Variants in GALNS observed in about 807,000 individuals in gnomAD.
GALNS encodes galactosamine (N-acetyl)-6-sulfatase, also known as N-acetylgalactosamine-6-sulfatase.
Under a neutral mutation model 65.9 loss-of-function variants are expected in GALNS, and 65 were observed. The ratio of observed to expected loss-of-function variants is 0.99; its 90% confidence interval spans 0.81 to 1.21. GALNS has a LOEUF of 1.21. Ranked by LOEUF, GALNS falls within the 50% of genes most tolerant of loss-of-function variation. The probability of loss-of-function intolerance (pLI) is 0.00; values close to 1 mark genes in which losing one functional copy is unlikely to be tolerated. For missense variants in GALNS, 776 were observed against 700.7 expected (o/e 1.11, Z -1.21); for synonymous variants, 346 against 288.9 (o/e 1.20, Z -2.00).
intron 13 of GALNS, chr16:88,815,393 A>G (rs936478710): frequency 3.7e-5 from 36 of 985,316 alleles, no homozygotes; most frequent in Non-Finnish European, 4.3e-5. Flanking sequence ...TTTCCCAGGG[A>G]GAAGCCAGTC....
chr16:88,814,324 GCTGT>G lies in GALNS; in HGVS notation c.*111_*114del. The stretch of plus-strand genomic sequence containing the variant: ...GTGCAGTCCCCCTGCGTCTGCAGGT[GCTGT>G]CTGTCTGGCTTGGGCAGGGTTGGGG... On this transcript the variant is annotated 3_prime_UTR_variant, in exon 14 of 14. Coordinates refer to ENST00000268695, the MANE Select transcript of GALNS (RefSeq NM_000512.5). 2.9e-6 allele frequency: 4 copies of G among 1,358,556 alleles called. No individual in the cohort carries two copies. The highest frequency in any genetic ancestry group is 2.5e-5 in the South Asian group (2 of 79,928). 84.2% of individuals were successfully genotyped at this position (1,358,556 alleles called of 1,614,324 possible). A position where few individuals can be genotyped will look rare whatever the true frequency, so the allele number is the denominator to read the frequency against.
chr16:88,832,984 G>A (rs1023700148), intron 8 of GALNS, among the ~76,000 whole-genome samples: 1 of 151,374 alleles, frequency 6.6e-6, no homozygotes, highest in South Asian at 2.1e-4. Context: ...AGGCTGAGGT[G>A]GGAGGATTGC....
intron 1 of GALNS, chr16:88,855,536 A>C (rs1356220494): frequency 1.4e-6 from 1 of 701,420 alleles, no homozygotes; most frequent in East Asian, 2.7e-5. Flanking sequence ...CACACAAATA[A>C]GACATATGAG....
At chr16:88,842,080 C>A in intron 2 of GALNS, 109 bp from the exon 3 acceptor site, 2 of 982,988 alleles carry the variant, frequency 2.0e-6, no homozygotes, top group Non-Finnish European at 3.2e-6. Context: ...ACGAGGCACG[C>A]GCAGGTTTAC....
chr16:88,843,325 C>T, intron 1 of GALNS: 1 of 726,566 alleles, frequency 1.4e-6, no homozygotes, highest in Non-Finnish European at 2.0e-6. Flanking sequence ...TGCAACTCCA[C>T]TCCTAGCTGT....
chr16:88,835,550 C>T (rs1242667720), intron 7 of GALNS, among the ~76,000 whole-genome samples, 175 bp downstream of exon 7: 6 of 152,124 alleles, frequency 3.9e-5, no homozygotes, highest in African/African-American at 7.2e-5. Context: ...GAGCCAGCAC[C>T]CCCACCACAG....
chr16:88,815,851 G>T, intron 13 of GALNS: 1 of 985,362 alleles, frequency 1.0e-6, no homozygotes, highest in Non-Finnish European at 1.2e-6. Context: ...GGGTGTGTTT[G>T]AGTCTGGATG....
At chr16:88,856,525 C>A in intron 1 of GALNS, 1 of 696,570 alleles carries the variant, frequency 1.4e-6, no homozygotes, top group Non-Finnish European at 2.6e-6. Context: ...GCCGAGACCC[C>A]ACGCCTGGAC....
At chr16:88,848,188 A>G (rs1475010417) in intron 1 of GALNS, among the ~76,000 whole-genome samples, 1 of 152,198 alleles carries the variant, frequency 6.6e-6, no homozygotes, top group Non-Finnish European at 1.5e-5. Context: ...TTCGGGGAGC[A>G]CAAGGGAGTG....
chr16:88,854,372 T>A (rs778573824), intron 1 of GALNS, among the ~76,000 whole-genome samples: 1 of 152,156 alleles, frequency 6.6e-6, no homozygotes, highest in Non-Finnish European at 1.5e-5. Flanking sequence ...CTGGGCCACG[T>A]CAGGGCACCT....
chr16:88,816,215 C>A (rs927716442), intron 13 of GALNS: 1 of 985,460 alleles, frequency 1.0e-6, no homozygotes, highest in Non-Finnish European at 1.2e-6. Context: ...GCTGTGTGCG[C>A]CCACCTCCCC....
rs942938359 is a variant in GALNS at position 88,856,943 on chromosome 16, C to T, written c.-66G>A. On this transcript the variant is annotated 5_prime_UTR_variant, in exon 1 of 14. Coordinates refer to ENST00000268695, the MANE Select transcript of GALNS (RefSeq NM_000512.5). ...CCTAGCGAGCGTCCGCCGGCCCTTC[C>T]GGCTGGGCTGCGGGGCGGGGCCTGG... 2.1e-6 allele frequency: 3 copies of T among 1,454,920 alleles called. No individual in the cohort carries two copies. The highest frequency in any genetic ancestry group is 1.5e-5 in the African/African-American group (1 of 67,026). The allele number at this position is 1,454,920 out of a possible 1,614,324, so 90.1% of individuals were successfully genotyped here.
At chr16:88,824,970 C>T (rs559448535) in intron 10 of GALNS, 101 bp from the exon 11 acceptor site, 13 of 882,978 alleles carry the variant, frequency 1.5e-5, no homozygotes, top group Admixed American at 5.8e-5. Context: ...CATGCCTCCA[C>T]GTGAGGTCTT....
At chr16:88,815,429 A>G (rs1909521460) in intron 13 of GALNS, 1 of 985,364 alleles carries the variant, frequency 1.0e-6, no homozygotes, top group Admixed American at 6.1e-5. Flanking sequence ...GGCTCAGTTC[A>G]GTGCGGTGCT....
At chr16:88,817,173 T>A in intron 13 of GALNS, 1 of 985,424 alleles carries the variant, frequency 1.0e-6, no homozygotes, top group Non-Finnish European at 1.2e-6. Flanking sequence ...CATGCCACCC[T>A]ATGGGACCCC....
intron 8 of GALNS, among the ~76,000 whole-genome samples, chr16:88,832,666 G>C (rs1240451929): frequency 1.3e-5 from 2 of 152,200 alleles, no homozygotes; most frequent in Admixed American, 6.5e-5. Flanking sequence ...ATGGAAGAAG[G>C]GGGTGGGGGG....
intron 4 of GALNS, 142 bp downstream of exon 4, chr16:88,840,850 C>A (rs1966930626): frequency 1.4e-6 from 1 of 730,182 alleles, no homozygotes; most frequent in Non-Finnish European, 2.5e-6. Context: ...ACGCTGGAGA[C>A]ACCTGAACAC....
At chr16:88,822,990 G>A (rs937460378) in intron 11 of GALNS, among the ~76,000 whole-genome samples, 17 of 152,346 alleles carry the variant, frequency 1.1e-4, no homozygotes, top group Non-Finnish European at 2.2e-4. Flanking sequence ...CTGGGCCCGA[G>A]ATGCGTAGCT....
At position 88,813,952 on chromosome 16, in the gene GALNS, A is replaced by C. The variant is rs1331083334; in HGVS notation, c.*487T>G. 4.8e-6 allele frequency: 1 copy of C among 207,160 alleles called. No individual in the cohort carries two copies. Among genetic ancestry groups the C allele is most frequent in the Non-Finnish European group, 1.0e-5 (1 of 99,668 alleles). The allele number at this position is 207,160 out of a possible 1,614,324, so 12.8% of individuals were successfully genotyped here. On this transcript the variant is annotated 3_prime_UTR_variant, in exon 14 of 14. Coordinates refer to ENST00000268695, the MANE Select transcript of GALNS (RefSeq NM_000512.5). ...ACTGTTTACATAAAAATGCGGATTC[A>C]CTGGGCCAGACTCAATCGTGTATTC...
Sources: gnomAD v4.1 joint callset for allele counts (sites outside exome capture counted in the v4.1 genomes callset) on GRCh38, gnomAD v4.1.1 for gene constraint, MANE v1.5 for transcripts, NCBI Gene and HGNC (gene_info 2026-07-23, HGNC 2026-07-21) for gene names.